Variants in PCDH9 observed in about 807,000 individuals in gnomAD.
The protein encoded by PCDH9 is protocadherin-9.
In PCDH9, 24 loss-of-function variants were observed where a neutral mutation model predicts 70.6. The ratio of observed to expected loss-of-function variants is 0.34; its 90% confidence interval spans 0.25 to 0.48. The LOEUF (loss-of-function observed/expected upper bound fraction) is 0.48, where lower values mean the gene tolerates loss of function less well. Among genes scored for constraint, PCDH9 ranks in the 20% least tolerant of loss-of-function variants. PCDH9 has a pLI of 0.99. For missense variants in PCDH9, 1,281 were observed against 1,503.6 expected (o/e 0.85, Z 2.45); for synonymous variants, 562 against 558.5 (o/e 1.01, Z -0.09).
intron 2 of PCDH9, among the ~76,000 whole-genome samples, chr13:67,162,672 G>A (rs2087994537): frequency 6.6e-6 from 1 of 152,182 alleles, no homozygotes; most frequent in African/African-American, 2.4e-5. Flanking sequence ...AGTGAGTAGA[G>A]AAGGAAGATA....
intron 2 of PCDH9, among the ~76,000 whole-genome samples, chr13:66,923,927 T>C (rs1019563794): frequency 2.0e-5 from 3 of 151,734 alleles, no homozygotes; most frequent in African/African-American, 7.3e-5. Context: ...ACTAATGAGG[T>C]TTAATACTTT....
chr13:66,550,153 C>T (rs1961416385), intron 4 of PCDH9, among the ~76,000 whole-genome samples: 1 of 151,968 alleles, frequency 6.6e-6, no homozygotes, highest in African/African-American at 2.4e-5. Context: ...TACTATGTAA[C>T]ATCTATATTC....
intron 2 of PCDH9, among the ~76,000 whole-genome samples, chr13:66,939,155 T>G (rs1296229235): frequency 6.6e-6 from 1 of 152,138 alleles, no homozygotes; most frequent in Non-Finnish European, 1.5e-5. Flanking sequence ...CAATCTATAC[T>G]GTATAAGATT....
intron 4 of PCDH9, among the ~76,000 whole-genome samples, chr13:66,492,472 A>AAT (rs1959050417): frequency 1.4e-5 from 2 of 148,128 alleles, no homozygotes; most frequent in South Asian, 2.1e-4. Context: ...AATATAAACA[A>AAT]ATATATATAA....
Position 66,304,982 on chromosome 13 carries a change from G to A in PCDH9, c.3387C>T (p.Cys1129=), listed in dbSNP as rs761207060. 11 of 1,613,086 alleles carry A rather than the reference G, an allele frequency of 6.8e-6. No individual in the cohort carries two copies. The highest frequency in any genetic ancestry group is 8.5e-6 in the Non-Finnish European group (10 of 1,179,576). ...GACCCAAAACCAAGCACTCTTGAGT[G>A]CACATCTCTGTAGCTTCAGCTAATC... ...PRGLAEATEM[C]TQECLVLGHS... is the part of the protein sequence containing the mutation. The change falls in exon 5 of 5, where the codon TGC becomes TGT. Residue 1129 remains cysteine, a synonymous_variant. Coordinates refer to ENST00000377865, the MANE Select transcript of PCDH9 (RefSeq NM_203487.3).
At chr13:66,700,923 A>ATATATATATAT (rs1566514288) in intron 3 of PCDH9, among the ~76,000 whole-genome samples, 6 of 58,436 alleles carry the variant, frequency 1.0e-4, no homozygotes, top group Non-Finnish European at 1.9e-4. Flanking sequence ...TGTACATATA[A>ATATATATATAT]ATATATATAT....
chr13:66,456,186 T>G (rs1294418431), intron 4 of PCDH9, among the ~76,000 whole-genome samples: 1 of 152,132 alleles, frequency 6.6e-6, no homozygotes, highest in Non-Finnish European at 1.5e-5. Context: ...ATCTGGAAAA[T>G]TCAAATACAA....
intron 2 of PCDH9, among the ~76,000 whole-genome samples, chr13:67,152,195 G>T (rs867312499): frequency 1.6e-4 from 24 of 152,136 alleles, no homozygotes; most frequent in Admixed American, 7.2e-4. Context: ...GAAGAAACCT[G>T]TATGTTTTAC....
intron 3 of PCDH9, among the ~76,000 whole-genome samples, chr13:66,743,480 A>G (rs920846138): frequency 1.5e-5 from 2 of 132,362 alleles, no homozygotes; most frequent in African/African-American, 5.4e-5. Flanking sequence ...TGTACCCTAA[A>G]ACTTAAAGTA....
intron 2 of PCDH9, among the ~76,000 whole-genome samples, chr13:67,025,408 C>T (rs2084760145): frequency 6.6e-6 from 1 of 151,764 alleles, no homozygotes; most frequent in Non-Finnish European, 1.5e-5. Flanking sequence ...TTTACAAATC[C>T]CTAACGCAAT....
At chr13:67,153,385 G>T (rs920285540) in intron 2 of PCDH9, among the ~76,000 whole-genome samples, 2 of 151,910 alleles carry the variant, frequency 1.3e-5, no homozygotes, top group Admixed American at 1.3e-4. Flanking sequence ...TGTCCCAGCT[G>T]GTCTTGAACT....
chr13:66,709,684 A>T (rs1382327339), intron 3 of PCDH9, among the ~76,000 whole-genome samples: 2 of 152,226 alleles, frequency 1.3e-5, no homozygotes, highest in African/African-American at 4.8e-5. Flanking sequence ...AATAATTTTA[A>T]AATAAATATG....
chr13:66,819,961 G>T (rs1378102006), intron 3 of PCDH9, among the ~76,000 whole-genome samples: 2 of 151,614 alleles, frequency 1.3e-5, no homozygotes, highest in Non-Finnish European at 2.9e-5. Context: ...TATTAGAAAG[G>T]GTAACCATGA....
intron 3 of PCDH9, among the ~76,000 whole-genome samples, chr13:66,685,489 G>T (rs1421134030): frequency 6.6e-6 from 1 of 152,198 alleles, no homozygotes; most frequent in Non-Finnish European, 1.5e-5. Flanking sequence ...GAGACCTTCT[G>T]CTAGGGCAGA....
chr13:66,493,278 G>C (rs1241024523), intron 4 of PCDH9, among the ~76,000 whole-genome samples: 2 of 152,182 alleles, frequency 1.3e-5, no homozygotes, highest in East Asian at 3.9e-4. Flanking sequence ...ATACTAGCCA[G>C]CAAGTCTCTT....
At chr13:66,404,212 TGATAAATAAG>T (rs1349505350) in intron 4 of PCDH9, among the ~76,000 whole-genome samples, 1 of 152,160 alleles carries the variant, frequency 6.6e-6, no homozygotes, top group African/African-American at 2.4e-5. Context: ...GGCTTAATTC[TGATAAATAAG>T]GAAAATACTG....
chr13:66,614,655 AAG>A (rs2077334175), intron 4 of PCDH9, among the ~76,000 whole-genome samples: 1 of 152,208 alleles, frequency 6.6e-6, no homozygotes, highest in African/African-American at 2.4e-5. Context: ...GTGTCCAGAA[AAG>A]AGAGGATTAT....
chr13:67,096,654 G>C (rs1176269443), intron 2 of PCDH9, among the ~76,000 whole-genome samples: 1 of 152,120 alleles, frequency 6.6e-6, no homozygotes. Flanking sequence ...GATAACTACT[G>C]TGTACTGTAA....
At chr13:66,818,657 G>A (rs372732448) in intron 3 of PCDH9, among the ~76,000 whole-genome samples, 106 of 152,314 alleles carry the variant, frequency 7.0e-4, no homozygotes, top group African/African-American at 2.5e-3. Context: ...GATGGGCCAG[G>A]TGCGGTGGCT....
Sources: allele counts gnomAD v4.1 joint callset (sites outside exome capture counted in the v4.1 genomes callset), GRCh38; gene constraint gnomAD v4.1.1; transcripts MANE v1.5; gene names NCBI Gene and HGNC (gene_info 2026-07-23, HGNC 2026-07-21).